Variants in FNDC3B observed in about 807,000 individuals in gnomAD.
FNDC3B encodes the protein fibronectin type III domain-containing protein 3B.
A neutral mutation model predicts 151.5 loss-of-function variants in FNDC3B; 12 were observed. That is an observed-to-expected ratio of 0.08 (90% CI 0.05 to 0.13). FNDC3B has a LOEUF of 0.13. Among genes scored for constraint, FNDC3B ranks in the 10% least tolerant of loss-of-function variants. The pLI, the probability that FNDC3B is intolerant of heterozygous loss-of-function variation, is 1.00. For synonymous variants in FNDC3B, 528 were observed against 549.0 expected, an observed-to-expected ratio of 0.96 and a Z score of 0.54; for missense variants, 1,214 against 1,505.3, an observed-to-expected ratio of 0.81 and a Z score of 3.20.
chr3:172,151,898 T>C (rs1389760249), intron 3 of FNDC3B, among the ~76,000 whole-genome samples: 6 of 151,994 alleles, frequency 3.9e-5, no homozygotes, highest in Non-Finnish European at 8.8e-5. Flanking sequence ...GATGACGTTA[T>C]GTGAGGGCTT....
At chr3:172,068,379 CCTT>C (rs1717608144) in intron 1 of FNDC3B, among the ~76,000 whole-genome samples, 1 of 151,538 alleles carries the variant, frequency 6.6e-6, no homozygotes, top group South Asian at 2.1e-4. Context: ...TTGTAGTTCT[CCTT>C]CTGAACTGCT....
rs868359833 is a variant in FNDC3B, at chr3:172,364,871, G to T, written c.3008+2026G>T. ...GGAACAGTATTTTTCTTAATTACAG[G>T]AGCTAGAGTCCAAATTTATCTTTTT... On this transcript the variant is annotated intron_variant, in intron 23 of 25. Coordinates refer to ENST00000415807, the MANE Select transcript of FNDC3B (RefSeq NM_022763.4). Among the ~76,000 whole-genome samples the T allele has an allele frequency of 1.6e-4, 24 of 152,112 alleles. 1 individual carries two copies. The highest frequency in any genetic ancestry group is 2.9e-5 in the Non-Finnish European group (2 of 68,022).
At chr3:172,226,323 AT>A (rs1227301844) in intron 3 of FNDC3B, among the ~76,000 whole-genome samples, 11 of 150,312 alleles carry the variant, frequency 7.3e-5, no homozygotes, top group Non-Finnish European at 1.2e-4. Context: ...AAAAAAAAAA[AT>A]GTATTCTTTC....
chr3:172,225,950 A>G (rs1726542550), intron 3 of FNDC3B: 1 of 152,248 alleles, frequency 6.6e-6, no homozygotes, highest in African/African-American at 2.4e-5. Flanking sequence ...TGTTAATTTA[A>G]TACTTTACTT....
intron 23 of FNDC3B, among the ~76,000 whole-genome samples, chr3:172,369,121 G>A (rs924604257): frequency 6.6e-6 from 1 of 152,168 alleles, no homozygotes; most frequent in Admixed American, 6.5e-5. Context: ...CACAGACAGA[G>A]GTGAGAGGTG....
intron 3 of FNDC3B, among the ~76,000 whole-genome samples, chr3:172,163,137 G>T (rs1722858761): frequency 6.6e-6 from 1 of 152,086 alleles, no homozygotes; most frequent in Admixed American, 6.6e-5. Flanking sequence ...TGGGCATGAT[G>T]GTGCACACCT....
At chr3:172,293,811 A>G (rs1182184937) in intron 7 of FNDC3B, among the ~76,000 whole-genome samples, 2 of 152,110 alleles carry the variant, frequency 1.3e-5, no homozygotes, top group Non-Finnish European at 2.9e-5. Context: ...CTGAAGAGAG[A>G]CTCTGCATTC....
intron 1 of FNDC3B, among the ~76,000 whole-genome samples, chr3:172,084,486 T>C (rs10936712): frequency 0.64 from 95,178 of 148,944 alleles, 30,586 homozygotes; most frequent in East Asian, 0.78. Flanking sequence ...CACACACACA[T>C]ACACACACAC....
At chr3:172,186,669 C>A in intron 3 of FNDC3B, 1 of 681,160 alleles carries the variant, frequency 1.5e-6, no homozygotes. Flanking sequence ...AATTTGAGTC[C>A]TCATTTAGTA....
chr3:172,377,318 C>G (rs1735204302), intron 23 of FNDC3B, among the ~76,000 whole-genome samples: 1 of 152,212 alleles, frequency 6.6e-6, no homozygotes, highest in Admixed American at 6.5e-5. Flanking sequence ...AGCGTGTCCA[C>G]TGGACCAGCA....
At position 172,226,909 on chromosome 3, in the gene FNDC3B, A is replaced by G. The variant is rs753599695; in HGVS notation, c.226A>G (p.Ile76Val). The change falls in exon 4 of 26, where the codon ATT (isoleucine) becomes GTT (valine). Residue 76 changes from isoleucine (I) to valine (V), a missense_variant. Around this residue, in one of 7 missense-constraint regions of FNDC3B, gnomAD observed 113 missense variants for 177.8 expected, o/e 0.64. Transcript: ENST00000415807. ...EVPMMSPNGS[I>V]PPIHVPPGYI... ...TCCCATGATGTCACCCAATGGATCC[A>G]TTCCTCCCATTCATGTGCCTCCAGG... The G allele has an allele frequency of 1.2e-6, 2 of 1,613,280 alleles. No individual in the cohort carries two copies. Among genetic ancestry groups the G allele is most frequent in the South Asian group, 2.2e-5 (2 of 91,074 alleles).
intron 23 of FNDC3B, among the ~76,000 whole-genome samples, chr3:172,372,762 T>G (rs1560104839): frequency 6.6e-6 from 1 of 152,172 alleles, no homozygotes; most frequent in Admixed American, 6.5e-5. Flanking sequence ...ACCTGTGGCC[T>G]TCCTGGTGCA....
At chr3:172,100,295 A>G (rs537846284) in intron 1 of FNDC3B, among the ~76,000 whole-genome samples, 2 of 152,360 alleles carry the variant, frequency 1.3e-5, no homozygotes, top group African/African-American at 4.8e-5. Context: ...AACAAATTGT[A>G]TTAGTATAAA....
intron 3 of FNDC3B, among the ~76,000 whole-genome samples, chr3:172,210,611 C>T (rs1047469970): frequency 6.6e-6 from 1 of 152,146 alleles, no homozygotes; most frequent in Non-Finnish European, 1.5e-5. Context: ...CCTCCTCAGA[C>T]TCCCGAGTGT....
At chr3:172,093,913 G>T (rs1172579433) in intron 1 of FNDC3B, among the ~76,000 whole-genome samples, 1 of 152,184 alleles carries the variant, frequency 6.6e-6, no homozygotes. Flanking sequence ...GCTGTATTGA[G>T]ATATATTTCA....
chr3:172,197,323 A>G (rs973343408), intron 3 of FNDC3B, among the ~76,000 whole-genome samples: 13 of 152,334 alleles, frequency 8.5e-5, no homozygotes, highest in Admixed American at 5.2e-4. Flanking sequence ...TAGTTTAGAG[A>G]AATAATTTGA....
intron 3 of FNDC3B, among the ~76,000 whole-genome samples, chr3:172,168,769 G>A (rs865946155): frequency 6.8e-6 from 1 of 146,208 alleles, no homozygotes; most frequent in Admixed American, 7.0e-5. Flanking sequence ...CTGGAGTGCA[G>A]TGGCGCGATC....
intron 11 of FNDC3B, among the ~76,000 whole-genome samples, chr3:172,313,970 A>G (rs1395392258): frequency 1.3e-5 from 2 of 152,114 alleles, no homozygotes; most frequent in Non-Finnish European, 2.9e-5. Flanking sequence ...CCACATTCCT[A>G]TGCTATACAG....
intron 3 of FNDC3B, among the ~76,000 whole-genome samples, chr3:172,198,390 A>G (rs1029289692): frequency 6.6e-6 from 1 of 152,204 alleles, no homozygotes; most frequent in African/African-American, 2.4e-5. Flanking sequence ...TAGGTAATAC[A>G]CATGCATAAA....
Sources: gnomAD v4.1 joint callset for allele counts (sites outside exome capture counted in the v4.1 genomes callset) on GRCh38, gnomAD v4.1.1 for gene constraint, gnomAD v4.1.1 regional missense constraint, MANE v1.5 for transcripts, NCBI Gene and HGNC (gene_info 2026-07-23, HGNC 2026-07-21) for gene names.